Variants in SLC39A11 observed in about 807,000 individuals in gnomAD.
SLC39A11 encodes the protein zinc transporter ZIP11.
In SLC39A11, 33 loss-of-function variants were observed where a neutral mutation model predicts 36.1. The ratio of observed to expected loss-of-function variants is 0.91; its 90% CI spans 0.69 to 1.22. SLC39A11 has a LOEUF of 1.22. SLC39A11 is among the 50% of genes most tolerant of loss of function. The pLI is 0.00. For synonymous variants in SLC39A11, 166 were observed against 170.3 expected (o/e 0.97, Z 0.20); for missense variants, 432 against 430.3 (o/e 1.00, Z -0.03).
intron 4 of SLC39A11, among the ~76,000 whole-genome samples, chr17:72,994,438 T>A (rs1167126485): frequency 6.6e-6 from 1 of 152,170 alleles, no homozygotes; most frequent in Non-Finnish European, 1.5e-5. Context: ...AAAGTCAGAA[T>A]AGTGGTGACT....
chr17:72,949,186 G>GTTTTTT (rs1598545331), intron 4 of SLC39A11, among the ~76,000 whole-genome samples: 5 of 44,290 alleles, frequency 1.1e-4, no homozygotes, highest in Admixed American at 4.4e-4. Flanking sequence ...TTGAGACAGA[G>GTTTTTT]TTTCACTCTG....
intron 5 of SLC39A11, among the ~76,000 whole-genome samples, chr17:72,877,954 T>C (rs977442693): frequency 6.6e-6 from 1 of 150,486 alleles, no homozygotes; most frequent in Non-Finnish European, 1.5e-5. Context: ...TATCTCCTAA[T>C]GCTATCCCTC....
chr17:72,945,824 G>A (rs866025426), intron 5 of SLC39A11, among the ~76,000 whole-genome samples: 2 of 152,148 alleles, frequency 1.3e-5, no homozygotes, highest in South Asian at 2.1e-4. Flanking sequence ...ACCCCGTCCC[G>A]GCTGTGACTC....
At chr17:72,977,020 T>C (rs2087902852) in intron 4 of SLC39A11, among the ~76,000 whole-genome samples, 1 of 152,178 alleles carries the variant, frequency 6.6e-6, no homozygotes, top group African/African-American at 2.4e-5. Context: ...ATCAGTACCA[T>C]GCTGTGGTGT....
intron 5 of SLC39A11, among the ~76,000 whole-genome samples, chr17:72,930,228 T>C (rs2084302306): frequency 1.3e-5 from 2 of 152,214 alleles, no homozygotes; most frequent in South Asian, 4.1e-4. Context: ...TTCAATTACA[T>C]TCCAGTTGTA....
At chr17:72,967,949 T>C (rs1044776971) in intron 4 of SLC39A11, among the ~76,000 whole-genome samples, 4 of 152,104 alleles carry the variant, frequency 2.6e-5, no homozygotes, top group African/African-American at 9.7e-5. Flanking sequence ...TGTCTACACG[T>C]GGAGAACTAA....
chr17:72,954,039 T>C (rs1312775869), intron 4 of SLC39A11, among the ~76,000 whole-genome samples: 2 of 152,194 alleles, frequency 1.3e-5, no homozygotes, highest in African/African-American at 4.8e-5. Flanking sequence ...CTTCGTTTTT[T>C]TAAATTTTGT....
At chr17:72,661,832 G>A (rs1018944390) in intron 7 of SLC39A11, among the ~76,000 whole-genome samples, 3 of 152,168 alleles carry the variant, frequency 2.0e-5, no homozygotes, top group African/African-American at 7.2e-5. Context: ...GCCTTCCTTC[G>A]AGGGGGTGAG....
chr17:72,673,559 T>A (rs2071113949), intron 7 of SLC39A11, among the ~76,000 whole-genome samples: 2 of 152,238 alleles, frequency 1.3e-5, no homozygotes, highest in Admixed American at 6.5e-5. Context: ...TTGCACAGTT[T>A]TTTTTTTCTT....
At position 72,812,187 on chromosome 17, in the gene SLC39A11, T is replaced by C. The variant is rs2077453976; in HGVS notation, c.601+37447A>G. On this transcript the variant is annotated intron_variant, in intron 6 of 9. Transcript: ENST00000255559. ...CTATTATGCTTGGAGAGAAAGCTGC[T>C]CCCCAAGGTCATGTTAGTGTAACCA... 2.0e-5 allele frequency among the ~76,000 whole-genome samples: 3 copies of C among 152,258 alleles called. No homozygotes were observed. In the South Asian group the frequency reaches 6.2e-4, roughly 32 times the overall value.
intron 7 of SLC39A11, among the ~76,000 whole-genome samples, chr17:72,714,498 G>T (rs148715410): frequency 6.6e-6 from 1 of 152,294 alleles, no homozygotes; most frequent in South Asian, 2.1e-4. Flanking sequence ...GGTAAGAAGC[G>T]CAGCAGCCAA....
intron 3 of SLC39A11, among the ~76,000 whole-genome samples, chr17:73,078,461 G>C (rs62074575): frequency 0.14 from 20,859 of 151,080 alleles, 1,539 homozygotes; most frequent in African/African-American, 0.16. Flanking sequence ...AAATAAAACT[G>C]TTTCATTAGT....
At chr17:73,059,839 G>A (rs2059784390) in intron 3 of SLC39A11, among the ~76,000 whole-genome samples, 2 of 152,106 alleles carry the variant, frequency 1.3e-5, no homozygotes, top group Admixed American at 1.3e-4. Flanking sequence ...GGAAGGTATA[G>A]ATAGGATAAA....
At chr17:72,866,171 T>TCAGATCAC (rs1461895120) in intron 5 of SLC39A11, among the ~76,000 whole-genome samples, 1 of 152,114 alleles carries the variant, frequency 6.6e-6, no homozygotes, top group Non-Finnish European at 1.5e-5. Flanking sequence ...AAGCTCCACC[T>TCAGATCAC]CCCGTCAGAT....
rs1201500479 is a variant in SLC39A11, at chr17:72,754,035, TATATATATATACAC to T, written c.602-17330_602-17317del. Among the ~76,000 whole-genome samples the T allele has an allele frequency of 3.4e-3, 402 of 119,224 alleles. 7 individuals are homozygous for T. Among genetic ancestry groups the T allele is most frequent in the African/African-American group, 0.012 (352 of 29,076 alleles). The allele number at this position is 119,224 out of a possible 152,430, so 78.2% of individuals were successfully genotyped here. On this transcript the variant is annotated intron_variant, in intron 6 of 9. Transcript: ENST00000255559. ...ATGTATATATGTATATATATATATA[TATATATATATACAC>T]ATACACACACACACACACACACACA...
intron 6 of SLC39A11, among the ~76,000 whole-genome samples, chr17:72,785,325 ATCTC>A (rs1568088517): frequency 6.6e-6 from 1 of 152,070 alleles, no homozygotes; most frequent in East Asian, 1.9e-4. Flanking sequence ...TTCTCTCCCA[ATCTC>A]TCTCTCCTCC....
chr17:72,746,173 G>T (rs1010103851), intron 6 of SLC39A11, among the ~76,000 whole-genome samples: 4 of 152,114 alleles, frequency 2.6e-5, no homozygotes, highest in African/African-American at 9.7e-5. Flanking sequence ...AGAGAAGGTG[G>T]GTTAGGAAGA....
intron 5 of SLC39A11, among the ~76,000 whole-genome samples, chr17:72,909,982 C>G (rs777972637): frequency 1.3e-5 from 2 of 151,894 alleles, no homozygotes; most frequent in East Asian, 3.9e-4. Context: ...TCGATCTCCT[C>G]ACCTCATGAT....
At chr17:72,944,062 G>A (rs186889908) in intron 5 of SLC39A11, among the ~76,000 whole-genome samples, 78 of 152,166 alleles carry the variant, frequency 5.1e-4, no homozygotes, top group Admixed American at 1.4e-3. Flanking sequence ...GCCTCCTAAC[G>A]TCACCTCATT....
Sources: allele counts gnomAD v4.1 joint callset (sites outside exome capture counted in the v4.1 genomes callset), GRCh38; gene constraint gnomAD v4.1.1; transcripts MANE v1.5; gene names NCBI Gene and HGNC (gene_info 2026-07-23, HGNC 2026-07-21).